TMEM165: variants seen among roughly 807,000 people sequenced by gnomAD.
TMEM165 encodes the protein putative divalent cation/proton antiporter TMEM165.
TMEM165 carries 19 observed loss-of-function variants against 30.0 expected under a neutral mutation model. The observed-to-expected ratio is 0.63, with a 90% CI of 0.44 to 0.93. TMEM165 has a LOEUF of 0.93. TMEM165 is among the 40% of genes least tolerant of loss of function. TMEM165 has a pLI of 0.00. For missense variants in TMEM165, 340 were observed against 417.0 expected (o/e 0.82, Z 1.61); for synonymous variants, 168 against 162.9 (o/e 1.03, Z -0.24).
At chr4:55,428,378 A>G (rs1344493589), downstream of TMEM165, 1 of 152,242 alleles carries the variant, frequency 6.6e-6, no homozygotes, top group Non-Finnish European at 1.5e-5. Context: ...ATTTTATACA[A>G]TATTGTATTT....
At chr4:55,421,591 C>A (rs147876555) in intron 4 of TMEM165, among the ~76,000 whole-genome samples, 79 of 152,288 alleles carry the variant, frequency 5.2e-4, no homozygotes, top group African/African-American at 1.8e-3. Flanking sequence ...CTAAATATTA[C>A]TTTCAAATAG....
intron 3 of TMEM165, among the ~76,000 whole-genome samples, chr4:55,444,219 T>C (rs150240954): frequency 3.2e-4 from 48 of 152,328 alleles, no homozygotes; most frequent in Non-Finnish European, 4.1e-4. Context: ...ACCAAAGTCA[T>C]AGTCTCCTAG....
rs1331152583 is a variant in TMEM165, at chr4:55,396,213, C to T, written c.24C>T (p.Asn8=). 2.1e-6 allele frequency: 3 copies of T among 1,446,784 alleles called. No individual in the cohort carries two copies. Among genetic ancestry groups the T allele is most frequent in the South Asian group, 2.8e-5 (2 of 71,500 alleles). The allele number at this position is 1,446,784 out of a possible 1,614,324, so 89.6% of individuals were successfully genotyped here. A position where few individuals can be genotyped will look rare whatever the true frequency, so the allele number is the denominator to read the frequency against. Residue 8 remains asparagine (N), a synonymous_variant, in exon 1 of 6, where the codon AAC becomes AAT. Transcript: ENST00000381334. ...GGATGGCGGCCGCGGCTCCAGGGAA[C>T]GGCCGCGCATCGGCGCCCCGGCTGC... is the stretch of plus-strand genomic sequence containing the variant. MAAAAPG[N]GRASAPRLLL... is the part of the protein sequence containing the mutation.
At chr4:55,402,199 ACATT>A (rs1281393464) in intron 1 of TMEM165, among the ~76,000 whole-genome samples, 14 of 148,016 alleles carry the variant, frequency 9.5e-5, no homozygotes, top group African/African-American at 2.3e-4. Flanking sequence ...ATAAAAATAA[ACATT>A]CATTAAAACA....
At chr4:55,399,596 G>GT (rs1419351440) in intron 1 of TMEM165, among the ~76,000 whole-genome samples, 3 of 152,196 alleles carry the variant, frequency 2.0e-5, no homozygotes, top group African/African-American at 4.8e-5. Flanking sequence ...AGAAATGATG[G>GT]TAGGTGTAGA....
intron 3 of TMEM165, among the ~76,000 whole-genome samples, chr4:55,443,071 G>C (rs1419791163): frequency 6.6e-6 from 1 of 152,132 alleles, no homozygotes; most frequent in Non-Finnish European, 1.5e-5. Context: ...TATGGGAACA[G>C]GCTTCCTGGT....
At chr4:55,424,692 G>C in intron 5 of TMEM165, 49 bp downstream of exon 5, 3 of 1,210,496 alleles carry the variant, frequency 2.5e-6, no homozygotes, top group Non-Finnish European at 3.7e-6. Context: ...ATCACTGAGA[G>C]ATTAAAGGGT....
At chr4:55,415,988 T>A (rs985177361) in intron 2 of TMEM165, 1 of 151,982 alleles carries the variant, frequency 6.6e-6, no homozygotes, top group Non-Finnish European at 1.5e-5. Context: ...TCAAGTAGGC[T>A]GGGACCAAGG....
intron 3 of TMEM165, chr4:55,448,687 G>A: frequency 5.3e-6 from 5 of 946,814 alleles, no homozygotes; most frequent in South Asian, 4.2e-5. Flanking sequence ...ACAGGTGCTT[G>A]CCAGCAAGCC....
chr4:55,408,344 G>A (rs1381597873), intron 1 of TMEM165, among the ~76,000 whole-genome samples: 2 of 152,130 alleles, frequency 1.3e-5, no homozygotes, highest in African/African-American at 4.8e-5. Flanking sequence ...TCATTATCAG[G>A]CAATTTCATT....
intron 1 of TMEM165, among the ~76,000 whole-genome samples, chr4:55,410,502 A>G (rs1721445793): frequency 6.6e-6 from 1 of 152,066 alleles, no homozygotes; most frequent in Admixed American, 6.6e-5. Context: ...TCCGCCTCCC[A>G]GGTTGAAGCA....
At chr4:55,402,815 G>T (rs544085853) in intron 1 of TMEM165, among the ~76,000 whole-genome samples, 20 of 15,264 alleles carry the variant, frequency 1.3e-3, no homozygotes, top group Non-Finnish European at 1.8e-3. Flanking sequence ...TTTTTGAGAC[G>T]GAGTCTTGCT....
chr4:55,413,771 C>T (rs1032901256), intron 2 of TMEM165, among the ~76,000 whole-genome samples: 2 of 152,210 alleles, frequency 1.3e-5, no homozygotes, highest in Non-Finnish European at 2.9e-5. Context: ...CATTTGTACT[C>T]TTATCTAAAT....
intron 4 of TMEM165, among the ~76,000 whole-genome samples, chr4:55,420,951 A>G (rs1051761356): frequency 6.6e-6 from 1 of 151,914 alleles, no homozygotes; most frequent in African/African-American, 2.4e-5. Flanking sequence ...TAATCCCAGC[A>G]CTTTGGGAGG....
At chr4:55,448,778 C>T (rs772356634) in intron 3 of TMEM165, 2 of 1,612,786 alleles carry the variant, frequency 1.2e-6, no homozygotes, top group East Asian at 2.2e-5. Context: ...CCAAAAAGTA[C>T]CTGGGACATG....
Position 55,403,210 on chromosome 4 carries a change from G to A in TMEM165, c.207+6814G>A, listed in dbSNP as rs527539167. ...CACCTCTTGTTTGATAACTTATTGA[G>A]CAACTTTGTTTCTGTTTTTTTGCAG... On this transcript the variant is annotated intron_variant, in intron 1 of 5. Transcript: ENST00000381334. The A allele has an allele frequency of 2.0e-5, 25 of 1,238,726 alleles. No individual in the cohort carries two copies. The East Asian group carries it at 1.2e-3, about 59-fold the overall frequency. The allele number at this position is 1,238,726 out of a possible 1,614,324, so 76.7% of individuals were successfully genotyped here.
Position 55,404,089 on chromosome 4 carries a change from C to CTGGAG in TMEM165, c.208-7522_208-7518dup, listed in dbSNP as rs1419475703. Among the ~76,000 whole-genome samples the CTGGAG allele has an allele frequency of 3.5e-5, 5 of 143,138 alleles. No individual in the cohort carries two copies. In the East Asian group the frequency reaches 8.6e-4, roughly 25 times the overall value. The allele number at this position is 143,138 out of a possible 152,430, so 93.9% of individuals were successfully genotyped here. On this transcript the variant is annotated intron_variant, in intron 1 of 5. Coordinates refer to ENST00000381334, the MANE Select transcript of TMEM165 (RefSeq NM_018475.5). ...ACAGTGTCTTGCTCTGTTGCCCAGCCTGGAGTGCAGTGGGCACAATCTTGG... is the reference window on the plus strand; with the variant it reads ...ACAGTGTCTTGCTCTGTTGCCCAGCCTGGAGTGGAGTGCAGTGGGCACAATCTTGG...
At chr4:55,451,043 A>G (rs1335089338) in intron 3 of TMEM165, among the ~76,000 whole-genome samples, 1 of 151,892 alleles carries the variant, frequency 6.6e-6, no homozygotes, top group Non-Finnish European at 1.5e-5. Flanking sequence ...TCAACTTAAA[A>G]AAAAAAAAGG....
chr4:55,400,103 C>A (rs1370019741), intron 1 of TMEM165, among the ~76,000 whole-genome samples: 5 of 138,316 alleles, frequency 3.6e-5, no homozygotes, highest in African/African-American at 5.4e-5. Context: ...TCTTGGCCTG[C>A]CAAAGTGGTG....
Sources: allele counts gnomAD v4.1 joint callset (sites outside exome capture counted in the v4.1 genomes callset), GRCh38; gene constraint gnomAD v4.1.1; transcripts MANE v1.5; gene names NCBI Gene and HGNC (gene_info 2026-07-23, HGNC 2026-07-21).